CSNK2A2: variants seen among roughly 807,000 people sequenced by gnomAD.
CSNK2A2 encodes the protein casein kinase II subunit alpha'.
CSNK2A2 carries 8 observed loss-of-function variants against 54.0 expected under a neutral mutation model. The ratio of observed to expected loss-of-function variants is 0.15; its 90% CI spans 0.09 to 0.27. The LOEUF (loss-of-function observed/expected upper bound fraction) is 0.27. Among genes scored for constraint, CSNK2A2 ranks in the 10% least tolerant of loss-of-function variants. The probability of loss-of-function intolerance (pLI) is 1.00; values close to 1 mark genes in which losing one functional copy is unlikely to be tolerated. For synonymous variants in CSNK2A2, 141 were observed against 153.9 expected (o/e 0.92, Z 0.62); for missense variants, 242 against 439.4 (o/e 0.55, Z 4.02).
intron 5 of CSNK2A2, among the ~76,000 whole-genome samples, chr16:58,173,681 G>A (rs916780895): frequency 3.9e-5 from 6 of 152,200 alleles, no homozygotes; most frequent in Admixed American, 2.6e-4. Context: ...CATGCAAGAA[G>A]GGGATGACGA....
intron 5 of CSNK2A2, among the ~76,000 whole-genome samples, chr16:58,173,361 G>C (rs1270548217): frequency 2.6e-5 from 4 of 152,166 alleles, no homozygotes; most frequent in African/African-American, 9.7e-5. Flanking sequence ...CTGTTCTTAA[G>C]ATCTACAACT....
chr16:58,168,760 CTTA>C, intron 5 of CSNK2A2, 67 bp from the exon 6 acceptor site: 2 of 1,254,610 alleles, frequency 1.6e-6, no homozygotes, highest in African/African-American at 1.5e-5. Flanking sequence ...CAAGCATAGT[CTTA>C]TTGTTTGTGA....
Position 58,182,567 on chromosome 16 carries a change from A to T in CSNK2A2, c.369+1693T>A, listed in dbSNP as rs563319229. 1.8e-3 allele frequency among the ~76,000 whole-genome samples: 276 copies of T among 151,550 alleles called. 2 individuals are homozygous for T. The highest frequency in any genetic ancestry group is 6.1e-3 in the African/African-American group (253 of 41,376). On this transcript the variant is annotated intron_variant, in intron 4 of 11. Transcript: ENST00000262506. ...GAGGCTCCGTCTCAAAAAAAAAAAA[A>T]AAAAAACAAAACCACAAAATGCTGA...
At chr16:58,167,395 TGTTCAGG>T in intron 7 of CSNK2A2, 87 bp from the exon 8 acceptor site, 1 of 964,192 alleles carries the variant, frequency 1.0e-6, no homozygotes, top group South Asian at 1.8e-5. Flanking sequence ...AGATTGGGCG[TGTTCAGG>T]GTGGTATGGC....
intron 9 of CSNK2A2, 142 bp downstream of exon 9, chr16:58,166,442 G>T: frequency 3.7e-6 from 2 of 541,326 alleles, no homozygotes; most frequent in Non-Finnish European, 6.6e-6. Context: ...ATCTCAATAA[G>T]TTAAAAGAAA....
chr16:58,178,060 T>A (rs1961926342), intron 4 of CSNK2A2, among the ~76,000 whole-genome samples: 1 of 152,150 alleles, frequency 6.6e-6, no homozygotes. Context: ...GTTTCTCCAA[T>A]TAAGGAAACT....
At chr16:58,188,335 T>C (rs1033652461) in intron 2 of CSNK2A2, among the ~76,000 whole-genome samples, 9 of 152,194 alleles carry the variant, frequency 5.9e-5, no homozygotes, top group Non-Finnish European at 7.3e-5. Context: ...TTAGAAACCT[T>C]ACTCCTTAGT....
At chr16:58,191,447 T>C (rs1406205847) in intron 2 of CSNK2A2, among the ~76,000 whole-genome samples, 1 of 152,164 alleles carries the variant, frequency 6.6e-6, no homozygotes, top group Non-Finnish European at 1.5e-5. Flanking sequence ...CTGCAACCTC[T>C]GCCTCCCGGG....
At chr16:58,175,866 G>A (rs1365468715) in intron 4 of CSNK2A2, among the ~76,000 whole-genome samples, 3 of 152,196 alleles carry the variant, frequency 2.0e-5, no homozygotes, top group Admixed American at 2.0e-4. Context: ...AGTACATGGT[G>A]TTGTGGGGTT....
intron 2 of CSNK2A2, among the ~76,000 whole-genome samples, chr16:58,187,420 C>A (rs190799889): frequency 1.1e-3 from 172 of 152,208 alleles, no homozygotes; most frequent in Non-Finnish European, 5.6e-4. Context: ...TAATGTTTTC[C>A]AACAGATCCC....
Position 58,197,609 on chromosome 16 carries a change from G to A in CSNK2A2, c.104+24C>T. On this transcript the variant is annotated intron_variant, in intron 1 of 11. Transcript: ENST00000262506. This position sits in a 1 kb window ranked among gnomAD's most constrained non-coding sequence, Gnocchi z 4.0. Reference sequence around the variant, plus strand: ...GGCGGGGGCAGGGATCAGCGGGCCCGGCGGGGGGCGGCGACGGCTTTACCC... The same window carrying A: ...GGCGGGGGCAGGGATCAGCGGGCCCAGCGGGGGGCGGCGACGGCTTTACCC... 6.6e-7 allele frequency: 1 copy of A among 1,504,888 alleles called. No individual in the cohort carries two copies. Among genetic ancestry groups the A allele is most frequent in the South Asian group, 1.2e-5 (1 of 82,772 alleles). The allele number at this position is 1,504,888 out of a possible 1,614,324, so 93.2% of individuals were successfully genotyped here. A position where few individuals can be genotyped will look rare whatever the true frequency, so the allele number is the denominator to read the frequency against.
chr16:58,186,982 T>C lies in CSNK2A2; in HGVS notation c.217-126A>G. The C allele has an allele frequency of 7.2e-6, 5 of 694,302 alleles. No homozygotes were observed. In the South Asian group the frequency reaches 8.8e-5, roughly 12 times the overall value. 43.0% of individuals were successfully genotyped at this position (694,302 alleles called of 1,614,324 possible). A position where few individuals can be genotyped will look rare whatever the true frequency, so the allele number is the denominator to read the frequency against. ...GTACACTCTGTTGTGTTCAAGAGTG[T>C]GCCTAAATTTGAAAAAACTGAAATA... On this transcript the variant is annotated intron_variant, in intron 2 of 11. Coordinates refer to ENST00000262506, the MANE Select transcript of CSNK2A2 (RefSeq NM_001896.4).
At chr16:58,180,396 C>A (rs1597118736) in intron 4 of CSNK2A2, among the ~76,000 whole-genome samples, 1 of 146,874 alleles carries the variant, frequency 6.8e-6, no homozygotes, top group African/African-American at 2.5e-5. Context: ...TGTGACCAGT[C>A]AACAATATAG....
chr16:58,196,598 G>A (rs1962457728), intron 2 of CSNK2A2, 135 bp downstream of exon 2: 1 of 675,446 alleles, frequency 1.5e-6, no homozygotes, highest in African/African-American at 1.8e-5. Context: ...GTGACAGAGT[G>A]AGACTCTGAC....
chr16:58,171,979 A>ATATATATATATTTTT (rs1261137669), intron 5 of CSNK2A2, among the ~76,000 whole-genome samples: 2 of 66,186 alleles, frequency 3.0e-5, no homozygotes, highest in African/African-American at 8.4e-5. Context: ...ATATATATAT[A>ATATATATATATTTTT]TTTTTTTTTT....
intron 2 of CSNK2A2, among the ~76,000 whole-genome samples, chr16:58,189,613 C>G (rs1012653130): frequency 6.6e-6 from 1 of 152,226 alleles, no homozygotes; most frequent in African/African-American, 2.4e-5. Context: ...GGCATAGCAA[C>G]TGAAGCATAT....
intron 3 of CSNK2A2, 135 bp downstream of exon 3, chr16:58,186,620 T>G: frequency 1.7e-6 from 1 of 597,698 alleles, no homozygotes; most frequent in East Asian, 3.0e-5. Flanking sequence ...TTTTTTCTGG[T>G]TTTCAAACCA....
chr16:58,179,213 G>A (rs1254927780), intron 4 of CSNK2A2, among the ~76,000 whole-genome samples: 1 of 152,028 alleles, frequency 6.6e-6, no homozygotes, highest in Non-Finnish European at 1.5e-5. Flanking sequence ...GAAATAGAAA[G>A]GAGAGGCTGA....
At chr16:58,176,528 C>T (rs1320570962) in intron 4 of CSNK2A2, among the ~76,000 whole-genome samples, 2 of 152,284 alleles carry the variant, frequency 1.3e-5, no homozygotes, top group South Asian at 2.1e-4. Flanking sequence ...AACATTTAAC[C>T]GCCTGGGCCC....
Sources: gnomAD v4.1 joint callset for allele counts (sites outside exome capture counted in the v4.1 genomes callset) on GRCh38, gnomAD v4.1.1 for gene constraint, Gnocchi (gnomAD v3.1) non-coding constraint, MANE v1.5 for transcripts, NCBI Gene and HGNC (gene_info 2026-07-23, HGNC 2026-07-21) for gene names.